The following ARL8B variants were observed in gnomAD, a reference collection of about 807,000 sequenced individuals.
ARL8B encodes the protein ARF like GTPase 8B, also known as ADP-ribosylation factor-like protein 8B.
A neutral mutation model predicts 30.6 loss-of-function variants in ARL8B; 9 were observed. The observed-to-expected ratio is 0.29, with a 90% CI of 0.18 to 0.51. ARL8B has a LOEUF of 0.51. ARL8B is among the 20% of genes least tolerant of loss of function. The probability of loss-of-function intolerance (pLI) is 0.97; values close to 1 mark genes in which losing one functional copy is unlikely to be tolerated. For missense variants in ARL8B, 130 were observed against 227.2 expected (o/e 0.57, Z 2.75); for synonymous variants, 74 against 76.0 (o/e 0.97, Z 0.14).
At chr3:5,162,483 A>T (rs1217109628) in intron 1 of ARL8B, among the ~76,000 whole-genome samples, 1 of 152,144 alleles carries the variant, frequency 6.6e-6, no homozygotes, top group Non-Finnish European at 1.5e-5. Flanking sequence ...GAATGTTATG[A>T]CTTTGTAGAA....
intron 1 of ARL8B, among the ~76,000 whole-genome samples, chr3:5,123,978 AT>A (rs1241982013): frequency 1.3e-5 from 2 of 151,968 alleles, no homozygotes; most frequent in Non-Finnish European, 2.9e-5. Flanking sequence ...GGTTCAAGCG[AT>A]TTTCCTGCCT....
intron 1 of ARL8B, among the ~76,000 whole-genome samples, chr3:5,163,068 A>G (rs1199130207): frequency 6.8e-6 from 1 of 147,440 alleles, no homozygotes; most frequent in East Asian, 2.0e-4. Flanking sequence ...GCTCACTGCA[A>G]CCTCCGCTTC....
At chr3:5,122,751 C>G (rs892315445) in intron 1 of ARL8B, among the ~76,000 whole-genome samples, 163 bp downstream of exon 1, 1 of 152,236 alleles carries the variant, frequency 6.6e-6, no homozygotes, top group South Asian at 2.1e-4. Context: ...TTTGGAATTT[C>G]CCGCGTGTTG....
rs142280014 is a variant in ARL8B, at chr3:5,169,353, G to C, written c.124-1150G>C. On this transcript the variant is annotated intron_variant, in intron 1 of 6. Transcript: ENST00000256496. Reference sequence around the variant, plus strand: ...TGTGTGTGTGTGTGTGAGTGTGTGAGACTTCTGGCTCATTTCATTTAGCAA... The same window carrying C: ...TGTGTGTGTGTGTGTGAGTGTGTGACACTTCTGGCTCATTTCATTTAGCAA... Among the ~76,000 whole-genome samples, 474 of 151,604 alleles carry C rather than the reference G, an allele frequency of 3.1e-3. 3 individuals are homozygous for C. Among genetic ancestry groups the C allele is most frequent in the African/African-American group, 0.011 (461 of 41,368 alleles).
At chr3:5,155,703 G>C (rs1285052764) in intron 1 of ARL8B, among the ~76,000 whole-genome samples, 1 of 129,542 alleles carries the variant, frequency 7.7e-6, no homozygotes, top group Non-Finnish European at 1.5e-5. Context: ...CAGCCTTCGT[G>C]TTCCTCTAGT....
At chr3:5,146,150 T>C (rs1005887780) in intron 1 of ARL8B, among the ~76,000 whole-genome samples, 2 of 152,218 alleles carry the variant, frequency 1.3e-5, no homozygotes, top group Non-Finnish European at 2.9e-5. Flanking sequence ...TGTTGTTTTC[T>C]CCCAGTTGTA....
chr3:5,149,023 C>G (rs1356126273), intron 1 of ARL8B, among the ~76,000 whole-genome samples: 9 of 152,230 alleles, frequency 5.9e-5, no homozygotes, highest in Non-Finnish European at 1.3e-4. Flanking sequence ...ACACCCTGAG[C>G]ATCGGTTTGT....
At chr3:5,135,825 C>T (rs978284672) in intron 1 of ARL8B, among the ~76,000 whole-genome samples, 13 of 145,698 alleles carry the variant, frequency 8.9e-5, no homozygotes, top group African/African-American at 2.5e-4. Context: ...CTCACTCTGT[C>T]GCCCAGGCTG....
intron 6 of ARL8B, among the ~76,000 whole-genome samples, chr3:5,177,378 A>G (rs1289744748): frequency 1.3e-5 from 2 of 151,986 alleles, no homozygotes; most frequent in South Asian, 2.1e-4. Flanking sequence ...CTTTTTGCCT[A>G]TTCATAAAGA....
In ARL8B at chr3:5,122,679, C is replaced by T. The variant is rs947796098; in HGVS notation, c.123+91C>T. 266 of 1,382,628 alleles carry T rather than the reference C, an allele frequency of 1.9e-4. 1 individual carries two copies. Among genetic ancestry groups the T allele is most frequent in the Middle Eastern group, 2.1e-4 (1 of 4,804 alleles). The allele number at this position is 1,382,628 out of a possible 1,614,324, so 85.6% of individuals were successfully genotyped here. ...AGGCCTGAGTTGGGGCCCCCCTCGG[C>T]GCGATGGGACTGATGGCGGGGGGCG... On this transcript the variant is annotated intron_variant, in intron 1 of 6. Coordinates refer to ENST00000256496, the MANE Select transcript of ARL8B (RefSeq NM_018184.3).
chr3:5,160,092 C>T lies in ARL8B; in HGVS notation c.124-10411C>T, dbSNP rs140690218. On this transcript the variant is annotated intron_variant, in intron 1 of 6. Transcript: ENST00000256496. ...GTAATCATCTTTTTATATAAAAATG[C>T]AGGTGTTTATTAAGGATTATGGCCG... 1.3e-3 allele frequency among the ~76,000 whole-genome samples: 197 copies of T among 152,248 alleles called. 1 individual carries two copies. Among genetic ancestry groups the T allele is most frequent in the African/African-American group, 4.7e-3 (194 of 41,542 alleles).
intron 1 of ARL8B, among the ~76,000 whole-genome samples, chr3:5,134,281 C>A (rs952048645): frequency 7.2e-5 from 11 of 152,192 alleles, no homozygotes; most frequent in African/African-American, 2.4e-4. Context: ...CTCAGGATTG[C>A]TGTTGGGCTA....
chr3:5,176,338 C>T (rs1344614708), intron 6 of ARL8B, among the ~76,000 whole-genome samples: 2 of 152,102 alleles, frequency 1.3e-5, no homozygotes, highest in African/African-American at 2.4e-5. Flanking sequence ...TCAAGTGATT[C>T]TTGTGCCTCA....
At chr3:5,171,486 A>G (rs1421214341) in intron 2 of ARL8B, among the ~76,000 whole-genome samples, 1 of 151,912 alleles carries the variant, frequency 6.6e-6, no homozygotes, top group African/African-American at 2.4e-5. Context: ...CGAGTATATT[A>G]CAGGCACCTG....
At chr3:5,167,343 A>C (rs745929809) in intron 1 of ARL8B, among the ~76,000 whole-genome samples, 1 of 152,212 alleles carries the variant, frequency 6.6e-6, no homozygotes. Context: ...TCAGTTACCT[A>C]TGATCAACCT....
chr3:5,126,931 A>C (rs556503227), intron 1 of ARL8B, among the ~76,000 whole-genome samples: 1 of 152,358 alleles, frequency 6.6e-6, no homozygotes, highest in East Asian at 1.9e-4. Flanking sequence ...GGATTTGCCA[A>C]AATAATATAG....
At chr3:5,157,739 G>A (rs2054545299) in intron 1 of ARL8B, 1 of 151,964 alleles carries the variant, frequency 6.6e-6, no homozygotes, top group South Asian at 2.1e-4. Flanking sequence ...CAACCTTATC[G>A]CCCCCCATAT....
intron 1 of ARL8B, among the ~76,000 whole-genome samples, chr3:5,148,986 C>G (rs917227899): frequency 6.6e-6 from 1 of 152,170 alleles, no homozygotes; most frequent in Admixed American, 6.5e-5. Flanking sequence ...CCTGTGTACT[C>G]GACCCGCGCT....
At chr3:5,139,983 T>C (rs1448347229) in intron 1 of ARL8B, among the ~76,000 whole-genome samples, 2 of 137,400 alleles carry the variant, frequency 1.5e-5, no homozygotes, top group African/African-American at 6.1e-5. Context: ...ATGTGATTAG[T>C]TTTGTTTTTT....
Sources: gnomAD v4.1 joint callset for allele counts (sites outside exome capture counted in the v4.1 genomes callset) on GRCh38, gnomAD v4.1.1 for gene constraint, MANE v1.5 for transcripts, NCBI Gene and HGNC (gene_info 2026-07-23, HGNC 2026-07-21) for gene names.